The following ADGRB3 variants were observed in gnomAD, a reference collection of about 807,000 sequenced individuals.
The protein encoded by ADGRB3 is brain-specific angiogenesis inhibitor 3.
Under a neutral mutation model 193.4 loss-of-function variants are expected in ADGRB3, and 37 were observed. The ratio of observed to expected loss-of-function variants is 0.19; its 90% confidence interval spans 0.15 to 0.25. The LOEUF (loss-of-function observed/expected upper bound fraction) is 0.25. Ranked by LOEUF, ADGRB3 falls within the 10% of genes least tolerant of loss-of-function variation. The probability of loss-of-function intolerance (pLI) is 1.00; values close to 1 mark genes in which losing one functional copy is unlikely to be tolerated. For missense variants in ADGRB3, 1,637 were observed against 1,852.9 expected, an observed-to-expected ratio of 0.88 and a Z score of 2.14; for synonymous variants, 690 against 644.2, an observed-to-expected ratio of 1.07 and a Z score of -1.08.
At chr6:68,927,143 T>G (rs935991448) in intron 3 of ADGRB3, among the ~76,000 whole-genome samples, 5 of 151,752 alleles carry the variant, frequency 3.3e-5, no homozygotes, top group Admixed American at 3.3e-4. Flanking sequence ...CCCTGTATAT[T>G]CATAAACCAT....
At chr6:68,825,154 G>A (rs1457226853) in intron 3 of ADGRB3, among the ~76,000 whole-genome samples, 6 of 152,028 alleles carry the variant, frequency 3.9e-5, no homozygotes, top group African/African-American at 1.4e-4. Context: ...ACTGTGCCCC[G>A]CCAATCTGAG....
At chr6:69,006,673 T>A (rs972243968) in intron 11 of ADGRB3, among the ~76,000 whole-genome samples, 1 of 150,942 alleles carries the variant, frequency 6.6e-6, no homozygotes, top group Non-Finnish European at 1.5e-5. Flanking sequence ...GCCTAGCTAA[T>A]TTTTTTTTAT....
chr6:69,358,191 C>T (rs1769373843), intron 28 of ADGRB3, among the ~76,000 whole-genome samples: 1 of 151,804 alleles, frequency 6.6e-6, no homozygotes, highest in African/African-American at 2.4e-5. Flanking sequence ...AAAGAGTGGT[C>T]CCTAGACCAT....
At chr6:69,071,845 C>T (rs1772088799) in intron 16 of ADGRB3, among the ~76,000 whole-genome samples, 1 of 152,142 alleles carries the variant, frequency 6.6e-6, no homozygotes, top group Non-Finnish European at 1.5e-5. Flanking sequence ...CTTAGCTTCT[C>T]TCTTTTCCTC....
intron 16 of ADGRB3, 50 bp downstream of exon 16, chr6:69,063,086 ACAGT>A: frequency 7.2e-7 from 1 of 1,379,412 alleles, no homozygotes. Context: ...TACCTTTCTA[ACAGT>A]CATTCTTTCA....
chr6:69,336,586 A>G (rs923799238), intron 24 of ADGRB3, among the ~76,000 whole-genome samples: 4 of 152,036 alleles, frequency 2.6e-5, no homozygotes, highest in African/African-American at 4.8e-5. Flanking sequence ...AGACAGAACT[A>G]CCTGAAGAGT....
chr6:69,350,265 T>C (rs1160444783), intron 26 of ADGRB3, among the ~76,000 whole-genome samples: 1 of 151,232 alleles, frequency 6.6e-6, no homozygotes, highest in African/African-American at 2.4e-5. Flanking sequence ...TATTGTTTTT[T>C]CTTCACCTTA....
chr6:68,792,831 G>C (rs1767134830), intron 3 of ADGRB3, among the ~76,000 whole-genome samples: 1 of 152,076 alleles, frequency 6.6e-6, no homozygotes. Context: ...TTCAGATACT[G>C]GAGCAAATGT....
chr6:69,063,067 T>C, intron 16 of ADGRB3, 31 bp downstream of exon 16: 1 of 1,487,960 alleles, frequency 6.7e-7, no homozygotes, highest in Non-Finnish European at 9.4e-7. Flanking sequence ...ACTGACTTGC[T>C]TATGGAATTA....
intron 3 of ADGRB3, among the ~76,000 whole-genome samples, chr6:68,913,350 C>A (rs534584167): frequency 6.6e-6 from 1 of 152,272 alleles, no homozygotes; most frequent in East Asian, 1.9e-4. Context: ...GACAAAACTT[C>A]CAGAGGAACG....
At chr6:68,952,334 CTG>C (rs1767950195) in intron 6 of ADGRB3, among the ~76,000 whole-genome samples, 1 of 151,850 alleles carries the variant, frequency 6.6e-6, no homozygotes. Context: ...CATAAAATGT[CTG>C]TTGTCTGTAT....
chr6:68,783,243 T>C (rs796704363), intron 3 of ADGRB3, among the ~76,000 whole-genome samples: 27 of 149,740 alleles, frequency 1.8e-4, no homozygotes, highest in African/African-American at 6.3e-4. Context: ...ATATAGACCA[T>C]CTGTCTCTAA....
intron 17 of ADGRB3, among the ~76,000 whole-genome samples, chr6:69,091,753 TTAAC>T (rs1247638335): frequency 6.6e-6 from 1 of 152,168 alleles, no homozygotes; most frequent in Non-Finnish European, 1.5e-5. Flanking sequence ...ATTTACCTAA[TTAAC>T]AGACCTGACT....
At chr6:69,001,385 G>T (rs1489188546) in intron 11 of ADGRB3, among the ~76,000 whole-genome samples, 1 of 152,224 alleles carries the variant, frequency 6.6e-6, no homozygotes, top group Non-Finnish European at 1.5e-5. Context: ...CAGGAAAGTT[G>T]AGGCCACATA....
intron 13 of ADGRB3, among the ~76,000 whole-genome samples, chr6:69,042,526 G>C (rs1021101310): frequency 6.6e-6 from 1 of 152,150 alleles, no homozygotes; most frequent in Admixed American, 6.5e-5. Flanking sequence ...GTTTTAAAAA[G>C]AAATTGTTAA....
In ADGRB3 at chr6:69,091,729, C is replaced by A. The variant is rs1165420649; in HGVS notation, c.2480+15691C>A. ...TGGGTGATGTATAGAATACAAGAAA[C>A]CCCCATGATACAAATTTACCTAATT... On this transcript the variant is annotated intron_variant, in intron 17 of 31. Coordinates refer to ENST00000370598, the MANE Select transcript of ADGRB3 (RefSeq NM_001704.3). Among the ~76,000 whole-genome samples the A allele has an allele frequency of 2.0e-5, 3 of 152,016 alleles. No homozygotes were observed. The East Asian group carries it at 5.8e-4, about 29-fold the overall frequency.
intron 20 of ADGRB3, among the ~76,000 whole-genome samples, chr6:69,282,883 A>T (rs563539524): frequency 5.9e-5 from 9 of 152,352 alleles, no homozygotes; most frequent in Non-Finnish European, 1.0e-4. Flanking sequence ...GCTTGATAAG[A>T]TACCTGAAAG....
At chr6:69,308,631 G>A (rs905051946) in intron 20 of ADGRB3, among the ~76,000 whole-genome samples, 4 of 151,594 alleles carry the variant, frequency 2.6e-5, no homozygotes, top group African/African-American at 9.7e-5. Context: ...TGCGAAAGAA[G>A]AGTAACATAG....
At chr6:69,006,528 T>A (rs1769760363) in intron 11 of ADGRB3, among the ~76,000 whole-genome samples, 1 of 151,408 alleles carries the variant, frequency 6.6e-6, no homozygotes, top group South Asian at 2.1e-4. Flanking sequence ...TTTTTTAAGA[T>A]GGAGTCTCGC....
Sources: gnomAD v4.1 joint callset for allele counts (sites outside exome capture counted in the v4.1 genomes callset) on GRCh38, gnomAD v4.1.1 for gene constraint, MANE v1.5 for transcripts, NCBI Gene and HGNC (gene_info 2026-07-23, HGNC 2026-07-21) for gene names.